The following EZH1 variants were observed in gnomAD, a reference collection of about 807,000 sequenced individuals.
EZH1 encodes the protein histone-lysine N-methyltransferase EZH1.
Under a neutral mutation model 100.5 loss-of-function variants are expected in EZH1, and 33 were observed. The observed-to-expected ratio is 0.33, with a 90% CI of 0.25 to 0.44. EZH1 has a LOEUF of 0.44. EZH1 is among the 20% of genes least tolerant of loss of function. The pLI, the probability that EZH1 is intolerant of heterozygous loss-of-function variation, is 1.00. For synonymous variants in EZH1, 272 were observed against 313.8 expected, an observed-to-expected ratio of 0.87 and a Z score of 1.41; for missense variants, 475 against 928.4, an observed-to-expected ratio of 0.51 and a Z score of 6.35.
At chr17:42,708,217 G>C in intron 14 of EZH1, 134 bp from the exon 15 acceptor site, 1 of 1,069,486 alleles carries the variant, frequency 9.4e-7, no homozygotes, top group Non-Finnish European at 1.3e-6. Flanking sequence ...AGCACCTGAA[G>C]TGAGAAGACA....
chr17:42,744,592 C>A lies in EZH1; in HGVS notation c.-103+419G>T, dbSNP rs999584073. On this transcript the variant is annotated intron_variant, in intron 1 of 20. Transcript: ENST00000428826. Reference sequence around the variant, plus strand: ...CCGAAAGCCATCGCAAGATCAGCCCCGGTCTCTAGCCCTCCCCAAGCACAG... The same window carrying A: ...CCGAAAGCCATCGCAAGATCAGCCCAGGTCTCTAGCCCTCCCCAAGCACAG... 2.0e-5 allele frequency among the ~76,000 whole-genome samples: 3 copies of A among 152,304 alleles called. No homozygotes were observed. The South Asian group carries it at 6.2e-4, about 32-fold the overall frequency.
At chr17:42,738,770 T>C (rs1343413378) in intron 1 of EZH1, among the ~76,000 whole-genome samples, 1 of 144,150 alleles carries the variant, frequency 6.9e-6, no homozygotes, top group African/African-American at 2.6e-5. Flanking sequence ...TTTTTTTTTT[T>C]TTTTTTTGAG....
intron 1 of EZH1, among the ~76,000 whole-genome samples, chr17:42,738,525 T>A (rs2054112515): frequency 7.9e-6 from 1 of 125,926 alleles, no homozygotes. Context: ...CCAGTCTATT[T>A]TTTTTATTTT....
In EZH1 at chr17:42,735,109, G is replaced by C. The variant is rs117375289; in HGVS notation, c.-102-4191C>G. ...AAGAAAAAAGAAGTATTAAGTAATG[G>C]AATAGAACATAATCTACAGATGCTG... On this transcript the variant is annotated intron_variant, in intron 1 of 20. Coordinates refer to ENST00000428826, the MANE Select transcript of EZH1 (RefSeq NM_001991.5). Among the ~76,000 whole-genome samples, 854 of 152,278 alleles carry C rather than the reference G, an allele frequency of 5.6e-3. 36 individuals are homozygous for C. The South Asian group carries it at 0.097, about 17-fold the overall frequency.
chr17:42,705,245 G>T, intron 16 of EZH1, 62 bp from the exon 17 acceptor site: 1 of 869,548 alleles, frequency 1.2e-6, no homozygotes, highest in Non-Finnish European at 1.9e-6. Flanking sequence ...GTGTGTGCTG[G>T]ATGTGCACAT....
Position 42,702,463 on chromosome 17 carries a change from A to G in EZH1, c.*69T>C, listed in dbSNP as rs998639492. On this transcript the variant is annotated 3_prime_UTR_variant, in exon 21 of 21. Transcript: ENST00000428826. ...GAGACACAGTGCAGGAGACTCGAGC[A>G]GCAGTGGTGTGAGCACGAAAGCCAA... 1.5e-5 allele frequency: 20 copies of G among 1,310,694 alleles called. No homozygotes were observed. The highest frequency in any genetic ancestry group is 2.1e-5 in the Non-Finnish European group (20 of 935,848). The allele number at this position is 1,310,694 out of a possible 1,614,324, so 81.2% of individuals were successfully genotyped here.
intron 1 of EZH1, among the ~76,000 whole-genome samples, chr17:42,744,695 C>T (rs2054245749): frequency 6.6e-6 from 1 of 151,978 alleles, no homozygotes; most frequent in South Asian, 2.1e-4. Context: ...GGCGCTGGGG[C>T]TCCCGCCCAC....
chr17:42,722,671 T>A, intron 6 of EZH1, 124 bp downstream of exon 6: 2 of 865,744 alleles, frequency 2.3e-6, no homozygotes, highest in South Asian at 2.2e-5. Flanking sequence ...TGTGATGACA[T>A]TGAAATATTC....
chr17:42,728,158 G>C (rs930557298), intron 3 of EZH1, among the ~76,000 whole-genome samples: 13 of 141,530 alleles, frequency 9.2e-5, no homozygotes, highest in African/African-American at 2.9e-4. Context: ...CTGTCACCCA[G>C]GCTGGAGTGC....
chr17:42,708,513 G>T (rs949410314), intron 14 of EZH1, among the ~76,000 whole-genome samples: 6 of 152,106 alleles, frequency 3.9e-5, no homozygotes, highest in Non-Finnish European at 7.4e-5. Context: ...AAATTAGCCA[G>T]GCATGGTGGT....
intron 11 of EZH1, 118 bp downstream of exon 11, chr17:42,713,091 C>T: frequency 2.1e-6 from 1 of 466,174 alleles, no homozygotes; most frequent in Non-Finnish European, 3.5e-6. Context: ...GTTTACAAAA[C>T]TTGTAGAAAG....
At chr17:42,734,322 G>A (rs2054020563) in intron 1 of EZH1, among the ~76,000 whole-genome samples, 1 of 152,072 alleles carries the variant, frequency 6.6e-6, no homozygotes, top group South Asian at 2.1e-4. Context: ...TTACAGGCAT[G>A]AGCCACCGCG....
intron 4 of EZH1, among the ~76,000 whole-genome samples, chr17:42,727,420 A>C (rs1391553923): frequency 6.7e-6 from 1 of 150,006 alleles, no homozygotes; most frequent in Non-Finnish European, 1.5e-5. Context: ...ACTTTTTTAA[A>C]AAATTTTTTA....
intron 1 of EZH1, among the ~76,000 whole-genome samples, chr17:42,743,468 G>A (rs868858909): frequency 6.6e-6 from 1 of 150,462 alleles, no homozygotes; most frequent in African/African-American, 2.4e-5. Context: ...ACCGTGCCAG[G>A]CTTTTTTTTT....
chr17:42,718,440 G>A lies in EZH1; in HGVS notation c.931+14C>T. The A allele has an allele frequency of 1.7e-5, 27 of 1,612,744 alleles. No individual in the cohort carries two copies. The highest frequency in any genetic ancestry group is 2.0e-5 in the Non-Finnish European group (24 of 1,179,902). On this transcript the variant is annotated intron_variant, in intron 9 of 20. Coordinates refer to ENST00000428826, the MANE Select transcript of EZH1 (RefSeq NM_001991.5). This position sits in a 1 kb window ranked among gnomAD's most constrained non-coding sequence, Gnocchi z 4.2. Reference sequence around the variant, plus strand: ...AAGAGAGGAGAGCATTTCAAACAGAGTAGCCCCACTCACGGTGAAGGAAGC... The same window carrying A: ...AAGAGAGGAGAGCATTTCAAACAGAATAGCCCCACTCACGGTGAAGGAAGC...
intron 12 of EZH1, among the ~76,000 whole-genome samples, chr17:42,711,498 C>T (rs2053481227): frequency 1.3e-5 from 2 of 150,876 alleles, no homozygotes; most frequent in Admixed American, 6.6e-5. Flanking sequence ...AAAAAATTAG[C>T]TGGGTGTGGT....
chr17:42,710,034 C>G, intron 12 of EZH1, 97 bp from the exon 13 acceptor site: 1 of 1,004,022 alleles, frequency 1.0e-6, no homozygotes, highest in Non-Finnish European at 1.6e-6. Context: ...CTGAGAAACT[C>G]AGGCAGCTGA....
chr17:42,721,880 G>C (rs964516341), intron 6 of EZH1, among the ~76,000 whole-genome samples: 1 of 151,886 alleles, frequency 6.6e-6, no homozygotes. Context: ...GGCCGGGCAC[G>C]GTGGCTCACG....
At chr17:42,704,723 G>A (rs2053315516) in intron 17 of EZH1, 40 bp from the exon 18 acceptor site, 1 of 1,546,384 alleles carries the variant, frequency 6.5e-7, no homozygotes, top group African/African-American at 1.4e-5. Context: ...GTATCAGGCT[G>A]CCTGCTCAGG....
Sources: allele counts gnomAD v4.1 joint callset (sites outside exome capture counted in the v4.1 genomes callset), GRCh38; gene constraint gnomAD v4.1.1; non-coding constraint Gnocchi (gnomAD v3.1); transcripts MANE v1.5; gene names NCBI Gene and HGNC (gene_info 2026-07-23, HGNC 2026-07-21).